The following PMF1 variants were observed in gnomAD, a reference collection of about 807,000 sequenced individuals.
The protein encoded by PMF1 is polyamine-modulated factor 1.
In PMF1, 21 loss-of-function variants were observed where a neutral mutation model predicts 26.7. The ratio of observed to expected loss-of-function variants is 0.79; its 90% CI spans 0.56 to 1.13. PMF1 has a LOEUF of 1.13. Among genes scored for constraint, PMF1 ranks in the 50% most tolerant of loss-of-function variants. PMF1 has a pLI of 0.00. For synonymous variants in PMF1, 105 were observed against 101.0 expected (o/e 1.04, Z -0.24); for missense variants, 266 against 254.9 (o/e 1.04, Z -0.30).
intron 1 of PMF1, among the ~76,000 whole-genome samples, chr1:156,214,786 A>G (rs1463501862): frequency 6.6e-6 from 1 of 151,912 alleles, no homozygotes; most frequent in Non-Finnish European, 1.5e-5. Flanking sequence ...TAATGATACC[A>G]CTAGATAGGA....
chr1:156,223,243 CA>C (rs1658181228), intron 1 of PMF1: 1 of 152,338 alleles, frequency 6.6e-6, no homozygotes, highest in Non-Finnish European at 1.5e-5. Context: ...TGCCTTGCTC[CA>C]GGCTGCTGTT....
intron 1 of PMF1, among the ~76,000 whole-genome samples, chr1:156,217,742 A>C (rs998653527): frequency 1.3e-5 from 2 of 152,064 alleles, no homozygotes; most frequent in African/African-American, 2.4e-5. Context: ...AAAAAAAAAA[A>C]ACAAAACTAA....
At chr1:156,221,461 G>C (rs1171088222) in intron 1 of PMF1, among the ~76,000 whole-genome samples, 1 of 152,196 alleles carries the variant, frequency 6.6e-6, no homozygotes, top group African/African-American at 2.4e-5. Context: ...GCAGTCTGCT[G>C]TTCTGTTGTC....
chr1:156,214,859 G>GATTATT (rs1199555277), intron 1 of PMF1, among the ~76,000 whole-genome samples: 11 of 149,334 alleles, frequency 7.4e-5, no homozygotes, highest in Admixed American at 3.3e-4. Context: ...GAAGGAACCA[G>GATTATT]ATTATTATTA....
At chr1:156,236,612 A>G (rs991777183) in intron 4 of PMF1, 129 bp downstream of exon 4, 3 of 1,244,224 alleles carry the variant, frequency 2.4e-6, no homozygotes, top group Admixed American at 5.4e-5. Flanking sequence ...CCCCTGGGGA[A>G]CAGTCATGAA....
intron 1 of PMF1, among the ~76,000 whole-genome samples, chr1:156,224,570 A>C (rs925819570): frequency 6.6e-6 from 1 of 151,974 alleles, no homozygotes; most frequent in Non-Finnish European, 1.5e-5. Flanking sequence ...AGGTCAGGAG[A>C]CCGAGACCAC....
At chr1:156,214,454 TC>T (rs1253218522) in intron 1 of PMF1, among the ~76,000 whole-genome samples, 1 of 152,188 alleles carries the variant, frequency 6.6e-6, no homozygotes, top group Non-Finnish European at 1.5e-5. Context: ...TTGTCTTCAC[TC>T]ATGACTCATC....
At chr1:156,228,874 T>G (rs1254299300) in intron 1 of PMF1, among the ~76,000 whole-genome samples, 1 of 152,172 alleles carries the variant, frequency 6.6e-6, no homozygotes, top group Non-Finnish European at 1.5e-5. Context: ...GTTGAAGGAA[T>G]GCCCATCGTC....
chr1:156,229,133 C>T (rs976269066), intron 1 of PMF1, among the ~76,000 whole-genome samples: 2 of 152,118 alleles, frequency 1.3e-5, no homozygotes, highest in African/African-American at 2.4e-5. Flanking sequence ...TGGTCTCCAT[C>T]TCCTGACCTC....
At chr1:156,224,712 C>G (rs1224958220) in intron 1 of PMF1, among the ~76,000 whole-genome samples, 4 of 151,232 alleles carry the variant, frequency 2.6e-5, no homozygotes. Context: ...TGTAGTGAGC[C>G]GAGATCGCGC....
At chr1:156,228,994 C>T (rs564056877) in intron 1 of PMF1, among the ~76,000 whole-genome samples, 48 of 151,890 alleles carry the variant, frequency 3.2e-4, no homozygotes, top group Admixed American at 2.6e-4. Context: ...CTGCAACCTC[C>T]GCCTCCCAGG....
At chr1:156,221,399 TG>T (rs1658075027) in intron 1 of PMF1, among the ~76,000 whole-genome samples, 1 of 152,218 alleles carries the variant, frequency 6.6e-6, no homozygotes, top group Non-Finnish European at 1.5e-5. Context: ...CTTGCTCCCC[TG>T]GTTATTTGTC....
intron 1 of PMF1, among the ~76,000 whole-genome samples, chr1:156,219,739 C>G (rs182606089): frequency 6.6e-6 from 1 of 152,114 alleles, no homozygotes; most frequent in Admixed American, 6.5e-5. Flanking sequence ...ATGTGTACCA[C>G]CACACTTGGC....
chr1:156,236,411 T>C lies in PMF1; in HGVS notation c.492T>C (p.Asp164=). The C allele has an allele frequency of 6.2e-7, 1 of 1,614,180 alleles. No individual in the cohort carries two copies. The highest frequency in any genetic ancestry group is 8.5e-7 in the Non-Finnish European group (1 of 1,180,008). The change falls in exon 4 of 5, where the codon GAT becomes GAC. Residue 164 remains aspartate (D), a synonymous_variant. Transcript: ENST00000368277. ...AGGCCGAGAACCAGCAGCTGGCAGA[T>C]GCCGTCCTGGCAGGGCGGAGGCAGG... is the stretch of plus-strand genomic sequence containing the variant. ...KQEAENQQLA[D]AVLAGRRQVE...
At chr1:156,225,282 CTTT>C (rs58481427) in intron 1 of PMF1, among the ~76,000 whole-genome samples, 15 of 71,704 alleles carry the variant, frequency 2.1e-4, no homozygotes, top group South Asian at 7.8e-4. Flanking sequence ...CAGTCCTCAG[CTTT>C]TTTTTTTTTT....
chr1:156,228,948 G>A (rs948828998), intron 1 of PMF1, among the ~76,000 whole-genome samples: 4 of 152,012 alleles, frequency 2.6e-5, no homozygotes, highest in South Asian at 2.1e-4. Flanking sequence ...TTGCTGTGTC[G>A]CCCAGGCTGG....
At position 156,236,205 on chromosome 1, in the gene PMF1, C is replaced by T. The variant is rs1572506103; in HGVS notation, c.369-83C>T. ...AACTTGGGACAAGGTGGGCATGTCA[C>T]CGAGTGTGGGCTTGGAAGCTGAACC... On this transcript the variant is annotated intron_variant, in intron 3 of 4. Transcript: ENST00000368277. 3 of 1,534,000 alleles carry T rather than the reference C, an allele frequency of 2.0e-6. No individual in the cohort carries two copies. In the East Asian group the frequency reaches 6.8e-5, roughly 35 times the overall value.
intron 2 of PMF1, among the ~76,000 whole-genome samples, chr1:156,233,403 C>T (rs1196347349): frequency 1.3e-5 from 2 of 151,900 alleles, no homozygotes; most frequent in Non-Finnish European, 2.9e-5. Context: ...GTGATCCACC[C>T]ACCTCGGCCC....
At chr1:156,234,622 C>A (rs968715812) in intron 3 of PMF1, among the ~76,000 whole-genome samples, 14 of 151,954 alleles carry the variant, frequency 9.2e-5, no homozygotes, top group Non-Finnish European at 4.4e-5. Flanking sequence ...AATTCTCCTG[C>A]CTCAGCCTCT....
Sources: allele counts gnomAD v4.1 joint callset (sites outside exome capture counted in the v4.1 genomes callset), GRCh38; gene constraint gnomAD v4.1.1; transcripts MANE v1.5; gene names NCBI Gene and HGNC (gene_info 2026-07-23, HGNC 2026-07-21).